Variants in CASD1 observed in about 807,000 individuals in gnomAD.
The protein encoded by CASD1 is N-acetylneuraminate (7)9-O-acetyltransferase.
CASD1 carries 41 observed loss-of-function variants against 100.0 expected under a neutral mutation model. The ratio of observed to expected loss-of-function variants is 0.41; its 90% CI spans 0.32 to 0.53. The LOEUF (loss-of-function observed/expected upper bound fraction) is 0.53. Ranked by LOEUF, CASD1 falls within the 20% of genes least tolerant of loss-of-function variation. The pLI, the probability that CASD1 is intolerant of heterozygous loss-of-function variation, is 0.25. For synonymous variants in CASD1, 321 were observed against 315.6 expected, an observed-to-expected ratio of 1.02 and a Z score of -0.18; for missense variants, 774 against 948.7, an observed-to-expected ratio of 0.82 and a Z score of 2.42.
At chr7:94,585,391 C>T in the CASD1 span, 2 of 950,350 alleles carry the variant, frequency 2.1e-6, no homozygotes, top group Non-Finnish European at 3.5e-6. Flanking sequence ...TGCCAACATG[C>T]ATAACATATG....
At chr7:94,587,551 G>A in the CASD1 span, 4 of 1,318,528 alleles carry the variant, frequency 3.0e-6, no homozygotes, top group South Asian at 7.4e-5. Flanking sequence ...GTGGTAGTAG[G>A]GATTCATTTA....
chr7:94,531,217 A>T (rs1244828028), intron 5 of CASD1, among the ~76,000 whole-genome samples: 3 of 152,076 alleles, frequency 2.0e-5, no homozygotes, highest in African/African-American at 7.2e-5. Flanking sequence ...GGAGGACAAG[A>T]TTGATACTAT....
the CASD1 span, chr7:94,586,755 G>C: frequency 1.3e-6 from 1 of 777,288 alleles, no homozygotes. Context: ...GCCTGCCTTG[G>C]CCTCCCAAAG....
At chr7:94,618,691 A>C in the CASD1 span, 1 of 1,347,284 alleles carries the variant, frequency 7.4e-7, no homozygotes, top group Non-Finnish European at 1.1e-6. Context: ...TCCATCTATA[A>C]TAAGTTTGAT....
chr7:94,511,221 T>C (rs1793691518), intron 1 of CASD1, among the ~76,000 whole-genome samples: 1 of 152,206 alleles, frequency 6.6e-6, no homozygotes, highest in African/African-American at 2.4e-5. Flanking sequence ...TCTTGGTGAC[T>C]GTGAGATTAA....
the CASD1 span, chr7:94,591,012 C>T: frequency 6.6e-6 from 1 of 152,040 alleles, no homozygotes; most frequent in Admixed American, 6.6e-5. Flanking sequence ...AACTCTAACA[C>T]AATTTGAGGA....
chr7:94,565,787 C>T, the CASD1 span, among the ~76,000 whole-genome samples: 1 of 152,158 alleles, frequency 6.6e-6, no homozygotes, highest in African/African-American at 2.4e-5. Flanking sequence ...TTCCAGGTGC[C>T]AACTATGTCA....
the CASD1 span, among the ~76,000 whole-genome samples, chr7:94,572,394 T>A: frequency 6.6e-6 from 1 of 152,176 alleles, no homozygotes; most frequent in Non-Finnish European, 1.5e-5. Context: ...ATAGTTGGAT[T>A]ATGTTTTTTT....
intron 17 of CASD1, 114 bp downstream of exon 17, chr7:94,554,689 T>G (rs909995849): frequency 1.7e-6 from 1 of 574,080 alleles, no homozygotes; most frequent in Non-Finnish European, 3.0e-6. Flanking sequence ...TCGGACGTAC[T>G]TTTTTCTAAA....
At chr7:94,620,330 G>C in the CASD1 span, 4 of 152,108 alleles carry the variant, frequency 2.6e-5, no homozygotes, top group African/African-American at 9.7e-5. Context: ...CCTAATCATA[G>C]AAAGTTCTTT....
At chr7:94,611,943 G>C in the CASD1 span, among the ~76,000 whole-genome samples, 1 of 152,170 alleles carries the variant, frequency 6.6e-6, no homozygotes, top group African/African-American at 2.4e-5. Context: ...AACAAAAGTA[G>C]AGATGAGAAA....
intron 14 of CASD1, 79 bp downstream of exon 14, chr7:94,549,713 A>C: frequency 6.8e-6 from 7 of 1,035,008 alleles, no homozygotes; most frequent in Non-Finnish European, 1.0e-5. Context: ...ATCTATCTAT[A>C]CTTAGTTTCA....
At chr7:94,603,952 T>G in the CASD1 span, among the ~76,000 whole-genome samples, 1 of 152,154 alleles carries the variant, frequency 6.6e-6, no homozygotes, top group Non-Finnish European at 1.5e-5. Flanking sequence ...CTATTTTACC[T>G]ATCAGTTCTG....
At chr7:94,604,806 AATATATATATATATATATATATATATAT>A in the CASD1 span, among the ~76,000 whole-genome samples, 634 of 44,414 alleles carry the variant, frequency 0.014, 30 homozygotes, top group African/African-American at 0.018. Context: ...ATGGTGCTGG[AATATATATATATATATATATATATATAT>A]ATATATATAT....
At chr7:94,594,093 A>G in the CASD1 span, among the ~76,000 whole-genome samples, 1 of 152,042 alleles carries the variant, frequency 6.6e-6, no homozygotes, top group East Asian at 1.9e-4. Context: ...CTAAAATGTT[A>G]TTACTTGGAA....
Position 94,552,102 on chromosome 7 carries a change from G to A in CASD1, c.1957-248G>A, listed in dbSNP as rs79521895. ...GTGTTTCATATGGAGAGCCATCACTGCCTTTTGATCACTGTTTCCAGAAAA... is the reference window on the plus strand; with the variant it reads ...GTGTTTCATATGGAGAGCCATCACTACCTTTTGATCACTGTTTCCAGAAAA... On this transcript the variant is annotated intron_variant, in intron 15 of 17. Coordinates refer to ENST00000297273, the MANE Select transcript of CASD1 (RefSeq NM_022900.5). 334 of 417,228 alleles carry A rather than the reference G, an allele frequency of 8.0e-4. 7 individuals are homozygous for A. In the East Asian group the frequency reaches 0.015, roughly 18 times the overall value. The allele number at this position is 417,228 out of a possible 1,614,324, so 25.8% of individuals were successfully genotyped here.
At chr7:94,578,596 ACAGGTCCTACTGAGT>A in the CASD1 span, among the ~76,000 whole-genome samples, 1 of 152,072 alleles carries the variant, frequency 6.6e-6, no homozygotes, top group Non-Finnish European at 1.5e-5. Flanking sequence ...ATTATATCTC[ACAGGTCCTACTGAGT>A]CAGAGGTCTA....
chr7:94,545,646 G>T lies in CASD1; in HGVS notation c.1578G>T (p.Met526Ile), dbSNP rs1287382060. The change falls in exon 12 of 18, where the codon ATG becomes ATT. Residue 526 changes from methionine to isoleucine, a missense_variant. Met to Ile is a conservative substitution (Grantham distance 10). Transcript: ENST00000297273. ...TCCCCTTGGTCACTGTATGGTTCAT[G>T]GTCATATATGTTACTTTAGCACTAT... ...YFVPLVTVWF[M>I]VIYVTLALWP... is the part of the protein sequence containing the mutation. The T allele has an allele frequency of 1.9e-6, 3 of 1,609,616 alleles. No individual in the cohort carries two copies. Among genetic ancestry groups the T allele is most frequent in the Non-Finnish European group, 2.5e-6 (3 of 1,177,012 alleles).
chr7:94,573,687 G>T, the CASD1 span, among the ~76,000 whole-genome samples: 2 of 152,152 alleles, frequency 1.3e-5, no homozygotes, highest in African/African-American at 4.8e-5. Flanking sequence ...AGAATAGTTT[G>T]ATATCCACTT....
Sources: gnomAD v4.1 joint callset for allele counts (sites outside exome capture counted in the v4.1 genomes callset) on GRCh38, gnomAD v4.1.1 for gene constraint, MANE v1.5 for transcripts, NCBI Gene and HGNC (gene_info 2026-07-23, HGNC 2026-07-21) for gene names.